VAV3: variants seen among roughly 807,000 people sequenced by gnomAD.
VAV3 encodes the protein guanine nucleotide exchange factor VAV3.
In VAV3, 94 loss-of-function variants were observed where a neutral mutation model predicts 131.2. The ratio of observed to expected loss-of-function variants is 0.72; its 90% CI spans 0.61 to 0.85. The LOEUF (loss-of-function observed/expected upper bound fraction) is 0.85, where lower values mean the gene tolerates loss of function less well. VAV3 is among the 40% of genes least tolerant of loss of function. The probability of loss-of-function intolerance (pLI) is 0.00; values close to 1 mark genes in which losing one functional copy is unlikely to be tolerated. For synonymous variants in VAV3, 349 were observed against 342.0 expected (o/e 1.02, Z -0.22); for missense variants, 939 against 1,002.7 (o/e 0.94, Z 0.86).
intron 1 of VAV3, among the ~76,000 whole-genome samples, chr1:107,899,870 A>G (rs770087170): frequency 6.6e-6 from 1 of 152,128 alleles, no homozygotes; most frequent in Non-Finnish European, 1.5e-5. Context: ...TAAGCAATAA[A>G]CATAAGGCTT....
intron 17 of VAV3, among the ~76,000 whole-genome samples, chr1:107,700,957 C>T (rs957391212): frequency 1.6e-4 from 25 of 152,174 alleles, no homozygotes; most frequent in Admixed American, 1.3e-4. Context: ...GCCTCAGCAG[C>T]ATCTATTGTT....
Position 107,644,234 on chromosome 1 carries a change from A to T in VAV3, c.1778-1479T>A, listed in dbSNP as rs112449106. The stretch of plus-strand genomic sequence containing the variant: ...TCTATTAAGTTGCTACTGCTAATTT[A>T]AAATGAAACCTAAATATCCCATACA... On this transcript the variant is annotated intron_variant, in intron 19 of 26. Coordinates refer to ENST00000370056, the MANE Select transcript of VAV3 (RefSeq NM_006113.5). 3.4e-3 allele frequency among the ~76,000 whole-genome samples: 524 copies of T among 152,266 alleles called. 5 individuals carry two copies. Among genetic ancestry groups the T allele is most frequent in the African/African-American group, 0.012 (495 of 41,556 alleles).
At chr1:107,943,635 G>A (rs753443863) in intron 1 of VAV3, among the ~76,000 whole-genome samples, 25 of 152,124 alleles carry the variant, frequency 1.6e-4, no homozygotes, top group Admixed American at 5.2e-4. Flanking sequence ...CCAGCTACTC[G>A]AGAGGCTGAG....
Position 107,751,210 on chromosome 1 carries a change from A to C in VAV3, c.1174-8T>G. The C allele has an allele frequency of 6.2e-7, 1 of 1,604,870 alleles. No homozygotes were observed. Among genetic ancestry groups the C allele is most frequent in the Non-Finnish European group, 8.5e-7 (1 of 1,176,314 alleles). On this transcript the variant is annotated splice_polypyrimidine_tract_variant and splice_region_variant and intron_variant, in intron 12 of 26. Transcript: ENST00000370056. ...AAGCAAAACTGGTTGGTTCTAAAAT[A>C]TAAAATGCACATGTCAGAGTTTTTC...
chr1:107,818,330 T>C (rs912019775), intron 2 of VAV3, among the ~76,000 whole-genome samples: 20 of 152,166 alleles, frequency 1.3e-4, no homozygotes, highest in African/African-American at 4.8e-4. Context: ...CTCAGATATA[T>C]TCTCTATACG....
intron 15 of VAV3, among the ~76,000 whole-genome samples, chr1:107,727,078 T>A (rs1036726419): frequency 6.6e-6 from 1 of 152,258 alleles, no homozygotes; most frequent in Non-Finnish European, 1.5e-5. Context: ...TATTTTTGTA[T>A]CACAATTAAA....
intron 1 of VAV3, among the ~76,000 whole-genome samples, chr1:107,906,074 A>G (rs1672091004): frequency 6.6e-6 from 1 of 152,172 alleles, no homozygotes; most frequent in African/African-American, 2.4e-5. Context: ...GTTGCTCATC[A>G]TTTTCCAATT....
intron 2 of VAV3, among the ~76,000 whole-genome samples, chr1:107,872,089 C>A (rs886690247): frequency 3.3e-5 from 5 of 152,102 alleles, no homozygotes; most frequent in African/African-American, 4.8e-5. Flanking sequence ...AGCAGTGAGA[C>A]CCAAAACACA....
At chr1:107,870,676 T>C (rs142288645) in intron 2 of VAV3, among the ~76,000 whole-genome samples, 27 of 152,158 alleles carry the variant, frequency 1.8e-4, no homozygotes, top group Admixed American at 3.9e-4. Context: ...TCTCTCTCTC[T>C]CCCAATAATG....
intron 2 of VAV3, among the ~76,000 whole-genome samples, chr1:107,869,205 A>G (rs988042988): frequency 1.3e-5 from 2 of 152,206 alleles, no homozygotes; most frequent in African/African-American, 4.8e-5. Context: ...CTCTGTAATT[A>G]AGAAAGAGGA....
chr1:107,779,412 G>GT (rs750749231), intron 3 of VAV3, 22 bp downstream of exon 3: 1 of 1,567,056 alleles, frequency 6.4e-7, no homozygotes, highest in South Asian at 1.2e-5. Flanking sequence ...TGGGACACAT[G>GT]AACAACGAAA....
chr1:107,909,590 C>A (rs578198095), intron 1 of VAV3, among the ~76,000 whole-genome samples: 2 of 152,142 alleles, frequency 1.3e-5, no homozygotes, highest in Non-Finnish European at 2.9e-5. Context: ...ATAGAATTGA[C>A]AATTTTATTT....
chr1:107,647,340 G>A (rs942269460), intron 19 of VAV3, among the ~76,000 whole-genome samples: 2 of 151,628 alleles, frequency 1.3e-5, no homozygotes, highest in South Asian at 2.1e-4. Flanking sequence ...ATCAGAACAT[G>A]TAGATGTTTT....
intron 19 of VAV3, among the ~76,000 whole-genome samples, chr1:107,648,346 G>GT (rs1655894728): frequency 1.3e-5 from 2 of 151,904 alleles, no homozygotes; most frequent in African/African-American, 4.8e-5. Context: ...GTCTTTGGAA[G>GT]TTTTTTTCAC....
intron 23 of VAV3, 129 bp downstream of exon 23, chr1:107,602,918 C>T (rs1232166774): frequency 1.4e-6 from 1 of 689,956 alleles, no homozygotes; most frequent in Non-Finnish European, 2.5e-6. Context: ...AATGAACTGT[C>T]TGGATAGATG....
chr1:107,697,971 C>A (rs1285191966), intron 17 of VAV3, among the ~76,000 whole-genome samples: 2 of 152,176 alleles, frequency 1.3e-5, no homozygotes, highest in Non-Finnish European at 2.9e-5. Flanking sequence ...ACAGATCATT[C>A]ATGTAACTGG....
chr1:107,875,924 T>G (rs1256737542), intron 1 of VAV3, among the ~76,000 whole-genome samples: 2 of 152,244 alleles, frequency 1.3e-5, no homozygotes, highest in East Asian at 3.9e-4. Flanking sequence ...GGGATAGGTG[T>G]GTACTTCAGA....
At position 107,603,097 on chromosome 1, in the gene VAV3, G is replaced by T; in HGVS notation, c.2082C>A (p.Tyr694Ter). The T allele has an allele frequency of 1.2e-6, 2 of 1,613,596 alleles. No individual in the cohort carries two copies. Among genetic ancestry groups the T allele is most frequent in the South Asian group, 1.1e-5 (1 of 91,026 alleles). The change falls in exon 23 of 27, where the codon TAC becomes TAA. Residue 694 changes from tyrosine (Y) to a stop codon, truncating the protein, a stop_gained. Coordinates refer to ENST00000370056, the MANE Select transcript of VAV3 (RefSeq NM_006113.5). LOFTEE classifies it high-confidence loss of function. The stretch of plus-strand genomic sequence containing the variant: ...ACTCTTTGGTCCTGTGCCTCACAAG[G>T]TAAGTACTATTTACCCTATTAATAA... ...TELINRVNST[Y>*]LVRHRTKESG...
intron 2 of VAV3, among the ~76,000 whole-genome samples, chr1:107,857,707 C>T (rs1161611822): frequency 6.6e-6 from 1 of 151,912 alleles, no homozygotes; most frequent in Admixed American, 6.6e-5. Context: ...AGAATGAATG[C>T]AGAATGAAAG....
Sources: gnomAD v4.1 joint callset for allele counts (sites outside exome capture counted in the v4.1 genomes callset) on GRCh38, gnomAD v4.1.1 for gene constraint, MANE v1.5 for transcripts, NCBI Gene and HGNC (gene_info 2026-07-23, HGNC 2026-07-21) for gene names.